Variants in USP37 observed in about 807,000 individuals in gnomAD.
USP37 encodes the protein ubiquitin specific peptidase 37.
Under a neutral mutation model 124.0 loss-of-function variants are expected in USP37, and 27 were observed. That is an observed-to-expected ratio of 0.22 (90% CI 0.16 to 0.30). The LOEUF is 0.30. Among genes scored for constraint, USP37 ranks in the 10% least tolerant of loss-of-function variants. The probability of loss-of-function intolerance (pLI) is 1.00; values close to 1 mark genes in which losing one functional copy is unlikely to be tolerated. For synonymous variants in USP37, 365 were observed against 388.0 expected, an observed-to-expected ratio of 0.94 and a Z score of 0.70; for missense variants, 889 against 1,140.4, an observed-to-expected ratio of 0.78 and a Z score of 3.17.
At chr2:218,555,588 T>C (rs1692924371) in intron 4 of USP37, among the ~76,000 whole-genome samples, 1 of 152,222 alleles carries the variant, frequency 6.6e-6, no homozygotes, top group African/African-American at 2.4e-5. Context: ...AAAGCAAAGT[T>C]TGTTCATTAA....
intron 20 of USP37, among the ~76,000 whole-genome samples, chr2:218,468,321 C>G (rs1690484164): frequency 6.6e-6 from 1 of 152,026 alleles, no homozygotes; most frequent in Non-Finnish European, 1.5e-5. Context: ...TCTCCTGCCT[C>G]AGCCTCCCAA....
intron 5 of USP37, 119 bp from the exon 6 acceptor site, chr2:218,550,028 G>A (rs1692577370): frequency 2.9e-6 from 2 of 691,836 alleles, no homozygotes; most frequent in Admixed American, 7.5e-5. Flanking sequence ...AGGCAAAAAA[G>A]AAAACAAATC....
intron 4 of USP37, among the ~76,000 whole-genome samples, chr2:218,556,092 G>T (rs542620922): frequency 6.6e-6 from 1 of 152,286 alleles, no homozygotes; most frequent in African/African-American, 2.4e-5. Flanking sequence ...GTGAGTTTGA[G>T]ATTCTTGGCT....
At chr2:218,476,798 TAAAC>T in intron 19 of USP37, 38 bp downstream of exon 19, 1 of 1,572,082 alleles carries the variant, frequency 6.4e-7, no homozygotes, top group Non-Finnish European at 8.6e-7. Flanking sequence ...CAGTAAGAGA[TAAAC>T]AAATCTTTGT....
rs1268302195 is a variant in USP37 at position 218,546,232 on chromosome 2, A to G, written c.669T>C (p.Asn223=). The change falls in exon 8 of 26, where the codon AAT becomes AAC. Residue 223 remains asparagine, a synonymous_variant. Transcript: ENST00000258399. ...TTAAAGTAACTTACGATGATGAATC[A>G]TTTTCCTTAGGGTAATCTTCATTCA... ...SELNEDYPKE[N]DSSSNNKAMT... 1.2e-6 allele frequency: 2 copies of G among 1,612,636 alleles called. No individual in the cohort carries two copies. The highest frequency in any genetic ancestry group is 2.7e-5 in the African/African-American group (2 of 74,880).
intron 24 of USP37, 121 bp from the exon 25 acceptor site, chr2:218,455,839 A>G: frequency 9.7e-7 from 1 of 1,025,860 alleles, no homozygotes; most frequent in Non-Finnish European, 1.4e-6. Flanking sequence ...CGAGGTCAGG[A>G]GTTTGAGACC....
chr2:218,547,144 T>G (rs1692378112), intron 6 of USP37, 53 bp from the exon 7 acceptor site: 1 of 1,528,808 alleles, frequency 6.5e-7, no homozygotes, highest in Non-Finnish European at 8.8e-7. Flanking sequence ...TGGAATACTT[T>G]TAGAACAGTG....
At chr2:218,472,680 G>T (rs1420106732) in intron 20 of USP37, among the ~76,000 whole-genome samples, 1 of 151,904 alleles carries the variant, frequency 6.6e-6, no homozygotes, top group Non-Finnish European at 1.5e-5. Context: ...TGGTCAAGTT[G>T]GTCTTGACCT....
chr2:218,549,827 A>T lies in USP37; in HGVS notation c.411T>A (p.Leu137=). Residue 137 remains leucine (L), a synonymous_variant, in exon 6 of 26, where the codon CTT becomes CTA. Coordinates refer to ENST00000258399, the MANE Select transcript of USP37 (RefSeq NM_020935.3). ...AACATACCTGATTGTCTGAGTAAGAAAGCTGCCTGCTGGTTTCCTTCTGTG... is the reference window on the plus strand; with the variant it reads ...AACATACCTGATTGTCTGAGTAAGATAGCTGCCTGCTGGTTTCCTTCTGTG... The part of the protein sequence containing the change: ...RTSQKETSRQ[L]SYSDNQASAK... 6.2e-7 allele frequency: 1 copy of T among 1,613,036 alleles called. No homozygotes were observed. Among genetic ancestry groups the T allele is most frequent in the South Asian group, 1.1e-5 (1 of 90,952 alleles).
intron 14 of USP37, among the ~76,000 whole-genome samples, chr2:218,494,046 G>C (rs1688943268): frequency 6.6e-6 from 1 of 152,198 alleles, no homozygotes; most frequent in African/African-American, 2.4e-5. Context: ...GGACTCTCCA[G>C]CTTTTATAAG....
chr2:218,462,260 G>A (rs375982563), intron 22 of USP37, among the ~76,000 whole-genome samples: 3 of 152,188 alleles, frequency 2.0e-5, no homozygotes, highest in East Asian at 3.9e-4. Flanking sequence ...ACTTGAATCC[G>A]GGAGGCAGAG....
At chr2:218,471,373 T>C (rs1207420747) in intron 20 of USP37, among the ~76,000 whole-genome samples, 1 of 152,210 alleles carries the variant, frequency 6.6e-6, no homozygotes, top group Non-Finnish European at 1.5e-5. Flanking sequence ...ACTTTTGGAA[T>C]TAATATCAGA....
At chr2:218,514,157 C>T (rs1246299705) in intron 10 of USP37, 1 of 152,106 alleles carries the variant, frequency 6.6e-6, no homozygotes, top group African/African-American at 2.4e-5. Flanking sequence ...TGCAAAATGG[C>T]TTTCACCCAG....
chr2:218,477,337 A>G (rs1691034865), intron 18 of USP37, among the ~76,000 whole-genome samples: 1 of 152,232 alleles, frequency 6.6e-6, no homozygotes, highest in South Asian at 2.1e-4. Context: ...GTGCATGAAG[A>G]CTAATTTGTG....
At chr2:218,459,606 G>T (rs1175045487) in intron 23 of USP37, among the ~76,000 whole-genome samples, 184 bp downstream of exon 23, 2 of 150,132 alleles carry the variant, frequency 1.3e-5, no homozygotes, top group Non-Finnish European at 3.0e-5. Flanking sequence ...TTGTTTGTTT[G>T]TTTTTTTAAA....
intron 20 of USP37, among the ~76,000 whole-genome samples, chr2:218,469,039 C>T (rs1276888792): frequency 1.3e-5 from 2 of 152,162 alleles, no homozygotes; most frequent in Non-Finnish European, 2.9e-5. Context: ...CTGAAGCTTA[C>T]AGCATCCTGG....
chr2:218,474,992 G>C (rs1348475943), intron 19 of USP37, 107 bp from the exon 20 acceptor site: 3 of 1,179,148 alleles, frequency 2.5e-6, no homozygotes, highest in African/African-American at 1.6e-5. Flanking sequence ...TCCTTTCTTT[G>C]ATGCTTTGGG....
intron 22 of USP37, among the ~76,000 whole-genome samples, chr2:218,460,863 C>A (rs1409547600): frequency 6.6e-6 from 1 of 151,980 alleles, no homozygotes. Flanking sequence ...ATCACTTGAA[C>A]CCGGGAGGCG....
chr2:218,545,834 G>A (rs1256397772), intron 8 of USP37, among the ~76,000 whole-genome samples: 1 of 152,024 alleles, frequency 6.6e-6, no homozygotes, highest in Non-Finnish European at 1.5e-5. Flanking sequence ...TTAACCTCTA[G>A]GCTGACTTTT....
Sources: gnomAD v4.1 joint callset for allele counts (sites outside exome capture counted in the v4.1 genomes callset) on GRCh38, gnomAD v4.1.1 for gene constraint, MANE v1.5 for transcripts, NCBI Gene and HGNC (gene_info 2026-07-23, HGNC 2026-07-21) for gene names.